Variants in MTFR1 observed in about 807,000 individuals in gnomAD.
MTFR1 encodes the protein chondrocyte protein with a poly-proline region.
A neutral mutation model predicts 38.8 loss-of-function variants in MTFR1; 28 were observed. The ratio of observed to expected loss-of-function variants is 0.72; its 90% CI spans 0.53 to 0.99. The LOEUF (loss-of-function observed/expected upper bound fraction) is 0.99. Ranked by LOEUF, MTFR1 falls within the 50% of genes least tolerant of loss-of-function variation. The pLI, the probability that MTFR1 is intolerant of heterozygous loss-of-function variation, is 0.00. For synonymous variants in MTFR1, 145 were observed against 137.0 expected (o/e 1.06, Z -0.41); for missense variants, 358 against 395.5 (o/e 0.91, Z 0.81).
intron 3 of MTFR1, among the ~76,000 whole-genome samples, chr8:65,748,200 C>T (rs1194346188): frequency 1.3e-5 from 2 of 151,820 alleles, no homozygotes; most frequent in African/African-American, 4.8e-5. Context: ...TTTCAAACTA[C>T]TAGAAAAGCC....
At chr8:65,723,947 A>AT (rs1806499673) in intron 3 of MTFR1, among the ~76,000 whole-genome samples, 1 of 152,200 alleles carries the variant, frequency 6.6e-6, no homozygotes, top group Non-Finnish European at 1.5e-5. Context: ...TTACATGTTC[A>AT]TATGGCCCTC....
chr8:65,649,776 T>C (rs1809066177), intron 1 of MTFR1, among the ~76,000 whole-genome samples: 1 of 152,010 alleles, frequency 6.6e-6, no homozygotes, highest in Non-Finnish European at 1.5e-5. Flanking sequence ...TAACCATCCC[T>C]ACTCCATCTC....
At chr8:65,750,524 G>A (rs1807896436) in intron 3 of MTFR1, among the ~76,000 whole-genome samples, 1 of 151,490 alleles carries the variant, frequency 6.6e-6, no homozygotes, top group Non-Finnish European at 1.5e-5. Flanking sequence ...CTGTGTGTGT[G>A]TGAGACAGAG....
chr8:65,711,650 C>T (rs1023765314), downstream of MTFR1, among the ~76,000 whole-genome samples: 2 of 152,180 alleles, frequency 1.3e-5, no homozygotes, highest in African/African-American at 4.8e-5. Flanking sequence ...GCCTTGTAAA[C>T]CTTATAAACA....
At chr8:65,772,262 T>A (rs1209161657), downstream of MTFR1, among the ~76,000 whole-genome samples, 1 of 152,188 alleles carries the variant, frequency 6.6e-6, no homozygotes, top group Non-Finnish European at 1.5e-5. Flanking sequence ...AATTTTGCAA[T>A]CAGAACACCT....
intron 1 of MTFR1, among the ~76,000 whole-genome samples, chr8:65,665,820 CT>C (rs1414057954): frequency 2.8e-4 from 42 of 152,310 alleles, no homozygotes; most frequent in African/African-American, 1.0e-3. Flanking sequence ...TTGGTTAATT[CT>C]TTTATTGGCA....
At chr8:65,687,021 C>A (rs1805105725) in intron 3 of MTFR1, among the ~76,000 whole-genome samples, 1 of 152,042 alleles carries the variant, frequency 6.6e-6, no homozygotes, top group Admixed American at 6.6e-5. Flanking sequence ...AAGGATACTG[C>A]TGCTTACCCT....
intron 3 of MTFR1, chr8:65,731,699 C>T (rs1430404156): frequency 3.3e-5 from 5 of 152,040 alleles, no homozygotes; most frequent in African/African-American, 1.2e-4. Flanking sequence ...AGTTTGTCTC[C>T]AAAATTTCCA....
the MTFR1 span, among the ~76,000 whole-genome samples, chr8:65,777,230 C>G: frequency 2.0e-5 from 3 of 151,996 alleles, no homozygotes; most frequent in Non-Finnish European, 4.4e-5. Context: ...CAGGCATGCA[C>G]CACCACGCCT....
intron 1 of MTFR1, among the ~76,000 whole-genome samples, chr8:65,663,459 C>G (rs979991231): frequency 6.6e-6 from 1 of 150,940 alleles, no homozygotes; most frequent in South Asian, 2.1e-4. Flanking sequence ...ATCTGCTGAC[C>G]TTCCCTCCAC....
chr8:65,657,017 AT>A (rs138679527), intron 1 of MTFR1, among the ~76,000 whole-genome samples: 3,821 of 134,494 alleles, frequency 0.028, 68 homozygotes, highest in Non-Finnish European at 0.043. Context: ...TTATTTACTT[AT>A]TTTTTTTTTT....
chr8:65,687,543 C>T (rs1585779153), intron 3 of MTFR1, among the ~76,000 whole-genome samples: 1 of 152,088 alleles, frequency 6.6e-6, no homozygotes, highest in East Asian at 1.9e-4. Flanking sequence ...GACGGGGTTT[C>T]ACCATGTTAG....
intron 2 of MTFR1, among the ~76,000 whole-genome samples, chr8:65,680,929 G>A (rs1243900156): frequency 1.6e-5 from 2 of 121,676 alleles, no homozygotes; most frequent in Admixed American, 1.0e-4. Context: ...TTTTTGAGAC[G>A]GAGTCTCGCT....
chr8:65,753,340 G>C (rs1808056887), intron 3 of MTFR1, among the ~76,000 whole-genome samples: 2 of 152,102 alleles, frequency 1.3e-5, no homozygotes, highest in African/African-American at 4.8e-5. Context: ...CTACCCAAAT[G>C]GCTCTCTCCT....
chr8:65,757,573 T>C (rs1229539793), intron 3 of MTFR1, among the ~76,000 whole-genome samples: 1 of 152,150 alleles, frequency 6.6e-6, no homozygotes, highest in Non-Finnish European at 1.5e-5. Flanking sequence ...AGCTAAGAGA[T>C]AATGTTGTCT....
intron 3 of MTFR1, among the ~76,000 whole-genome samples, chr8:65,758,430 T>TA (rs1169637796): frequency 6.6e-6 from 1 of 152,212 alleles, no homozygotes; most frequent in African/African-American, 2.4e-5. Flanking sequence ...ACAGTTGTTA[T>TA]ACTAGTGCAC....
intron 3 of MTFR1, among the ~76,000 whole-genome samples, chr8:65,739,083 G>C (rs1265261444): frequency 6.6e-6 from 1 of 152,196 alleles, no homozygotes; most frequent in East Asian, 1.9e-4. Context: ...AGCTCTCTCG[G>C]AAACCTGCCA....
intron 3 of MTFR1, among the ~76,000 whole-genome samples, chr8:65,767,001 A>AAACAACAACAAC (rs149118435): frequency 6.0e-5 from 9 of 150,974 alleles, no homozygotes; most frequent in East Asian, 1.9e-4. Context: ...TGCTCATTCA[A>AAACAACAACAAC]AACAACAACA....
At chr8:65,696,413 C>G (rs568433913) in intron 4 of MTFR1, among the ~76,000 whole-genome samples, 6 of 152,290 alleles carry the variant, frequency 3.9e-5, no homozygotes, top group Non-Finnish European at 8.8e-5. Context: ...TTCACTCAGT[C>G]TCCTTCAATG....
Sources: allele counts gnomAD v4.1 joint callset (sites outside exome capture counted in the v4.1 genomes callset), GRCh38; gene constraint gnomAD v4.1.1; transcripts MANE v1.5; gene names NCBI Gene and HGNC (gene_info 2026-07-23, HGNC 2026-07-21).